The following WDR1 variants were observed in gnomAD, a reference collection of about 807,000 sequenced individuals.
WDR1 encodes the protein WD repeat domain 1.
In WDR1, 21 loss-of-function variants were observed where a neutral mutation model predicts 71.9. The ratio of observed to expected loss-of-function variants is 0.29; its 90% confidence interval spans 0.21 to 0.42. The LOEUF (loss-of-function observed/expected upper bound fraction) is 0.42. Among genes scored for constraint, WDR1 ranks in the 10% least tolerant of loss-of-function variants. The probability of loss-of-function intolerance (pLI) is 1.00; values close to 1 mark genes in which losing one functional copy is unlikely to be tolerated. For missense variants in WDR1, 696 were observed against 824.5 expected (o/e 0.84, Z 1.91); for synonymous variants, 424 against 347.4 (o/e 1.22, Z -2.45).
intron 5 of WDR1, chr4:10,092,861 A>G: frequency 2.5e-6 from 1 of 395,130 alleles, no homozygotes; most frequent in Non-Finnish European, 5.0e-6. Flanking sequence ...GCCCCACCCC[A>G]GCCAACCAGC....
chr4:10,097,582 G>A (rs1578435831), intron 5 of WDR1, 129 bp downstream of exon 5: 1 of 1,129,810 alleles, frequency 8.9e-7, no homozygotes, highest in Admixed American at 2.7e-5. Flanking sequence ...ACCCCTGGGA[G>A]CCCACTTCTG....
chr4:10,111,348 C>T (rs1374717140), intron 2 of WDR1, among the ~76,000 whole-genome samples: 2 of 152,300 alleles, frequency 1.3e-5, no homozygotes, highest in East Asian at 1.9e-4. Context: ...AGAAGCCCAG[C>T]GTCCTGACTG....
intron 7 of WDR1, 114 bp from the exon 8 acceptor site, chr4:10,088,054 G>A (rs1174126800): frequency 4.5e-6 from 5 of 1,102,686 alleles, no homozygotes; most frequent in Non-Finnish European, 6.4e-6. Flanking sequence ...AGCCCAGAGA[G>A]AGGGTGGGAC....
intron 5 of WDR1, among the ~76,000 whole-genome samples, chr4:10,091,324 G>T (rs1338515353): frequency 6.6e-6 from 1 of 152,192 alleles, no homozygotes; most frequent in Admixed American, 6.5e-5. Flanking sequence ...GCACTTCTAG[G>T]TATGTGAAGT....
chr4:10,079,011 A>G lies in WDR1; in HGVS notation c.1285-10T>C. Reference sequence around the variant, plus strand: ...CCTTCAGCAGGACAATCTGTGGCACACACAGGCAGCTGGTCAGGCGGTCCA... The same window carrying G: ...CCTTCAGCAGGACAATCTGTGGCACGCACAGGCAGCTGGTCAGGCGGTCCA... On this transcript the variant is annotated splice_polypyrimidine_tract_variant and intron_variant, in intron 11 of 14. Coordinates refer to ENST00000499869, the MANE Select transcript of WDR1 (RefSeq NM_017491.5). 1 of 1,590,258 alleles carries G rather than the reference A, an allele frequency of 6.3e-7. No individual in the cohort carries two copies. Among genetic ancestry groups the G allele is most frequent in the Non-Finnish European group, 8.6e-7 (1 of 1,165,814 alleles).
Position 10,087,904 on chromosome 4 carries a change from C to A in WDR1, c.754G>T (p.Ala252Ser). 1 of 1,560,256 alleles carries A rather than the reference C, an allele frequency of 6.4e-7. No individual in the cohort carries two copies. Among genetic ancestry groups the A allele is most frequent in the African/African-American group, 1.4e-5 (1 of 73,706 alleles). ...WSPDSTHLLS[A>S]SGDKTSKIWD... ...ATCTTGGAAGTTTTGTCCCCAGAAG[C>A]AGAAAGCAAATGGGTGCTGTCGGGA... Residue 252 changes from alanine to serine, a missense_variant, in exon 8 of 15, where the codon GCT becomes TCT. By Grantham distance (99) the Ala-to-Ser change is moderately conservative. Coordinates refer to ENST00000499869, the MANE Select transcript of WDR1 (RefSeq NM_017491.5).
intron 2 of WDR1, among the ~76,000 whole-genome samples, chr4:10,110,409 C>T (rs1208456374): frequency 2.0e-5 from 3 of 152,210 alleles, no homozygotes; most frequent in African/African-American, 4.8e-5. Context: ...CTTCTCTTAC[C>T]TCAAAGATGG....
At chr4:10,089,306 C>T (rs3775932) in intron 5 of WDR1, among the ~76,000 whole-genome samples, 1 of 151,924 alleles carries the variant, frequency 6.6e-6, no homozygotes, top group Non-Finnish European at 1.5e-5. Flanking sequence ...ATGGGGTTTC[C>T]CTTTGTTAGC....
At chr4:10,107,741 G>A (rs1004887587) in intron 2 of WDR1, among the ~76,000 whole-genome samples, 18 of 152,118 alleles carry the variant, frequency 1.2e-4, no homozygotes, top group Admixed American at 3.9e-4. Flanking sequence ...GGAGGAGTCC[G>A]GGGGCCTCTG....
intron 7 of WDR1, 147 bp downstream of exon 7, chr4:10,088,146 A>G (rs1260175994): frequency 1.1e-5 from 10 of 930,504 alleles, no homozygotes; most frequent in African/African-American, 1.6e-5. Flanking sequence ...TTGCGACCTT[A>G]AAGCTTTTCT....
intron 3 of WDR1, among the ~76,000 whole-genome samples, chr4:10,099,649 G>A (rs934832568): frequency 1.3e-5 from 2 of 152,266 alleles, no homozygotes; most frequent in African/African-American, 4.8e-5. Context: ...TGAGGGTGCA[G>A]CGTGCTGCCC....
intron 3 of WDR1, among the ~76,000 whole-genome samples, chr4:10,099,525 C>A (rs929727324): frequency 6.6e-6 from 1 of 152,222 alleles, no homozygotes; most frequent in African/African-American, 2.4e-5. Context: ...CTTGTAGGGG[C>A]ATCAGAATGA....
At chr4:10,115,988 G>A (rs1488232188) in intron 2 of WDR1, 125 bp downstream of exon 2, 19 of 1,342,954 alleles carry the variant, frequency 1.4e-5, no homozygotes, top group Non-Finnish European at 1.8e-5. Context: ...TCCCGGTAGA[G>A]GGGGCGTGGC....
chr4:10,089,941 G>A (rs938406944), intron 5 of WDR1, among the ~76,000 whole-genome samples: 1 of 152,220 alleles, frequency 6.6e-6, no homozygotes, highest in African/African-American at 2.4e-5. Flanking sequence ...TGCAGATGCA[G>A]TCCAGTTAAA....
chr4:10,103,861 C>G (rs745547154), intron 3 of WDR1, 35 bp downstream of exon 3: 11 of 1,552,442 alleles, frequency 7.1e-6, no homozygotes, highest in Non-Finnish European at 9.6e-6. Flanking sequence ...CCCAGGCCCC[C>G]ACAGGTGTCC....
chr4:10,102,460 A>G (rs997251742), intron 3 of WDR1, among the ~76,000 whole-genome samples: 2 of 152,200 alleles, frequency 1.3e-5, no homozygotes, highest in Non-Finnish European at 2.9e-5. Flanking sequence ...GCTTCCCAAT[A>G]AAAGGACAAG....
intron 2 of WDR1, among the ~76,000 whole-genome samples, chr4:10,109,925 G>A (rs886832126): frequency 1.3e-4 from 20 of 152,188 alleles, no homozygotes; most frequent in South Asian, 2.1e-4. Context: ...GATGCTTTAC[G>A]AATTAGCTCC....
At chr4:10,115,520 C>A (rs941748623) in intron 2 of WDR1, among the ~76,000 whole-genome samples, 1 of 152,214 alleles carries the variant, frequency 6.6e-6, no homozygotes, top group Non-Finnish European at 1.5e-5. Context: ...AGGGTATTAA[C>A]AGCGAGTTAG....
intron 3 of WDR1, among the ~76,000 whole-genome samples, chr4:10,100,889 TGTCCACAC>T (rs1578439540): frequency 1.3e-5 from 2 of 152,180 alleles, no homozygotes; most frequent in Non-Finnish European, 2.9e-5. Context: ...CATGCACACA[TGTCCACAC>T]ATGCACATGT....
Sources: gnomAD v4.1 joint callset for allele counts (sites outside exome capture counted in the v4.1 genomes callset) on GRCh38, gnomAD v4.1.1 for gene constraint, MANE v1.5 for transcripts, NCBI Gene and HGNC (gene_info 2026-07-23, HGNC 2026-07-21) for gene names.